Variants in PRTG observed in about 807,000 individuals in gnomAD.
The protein encoded by PRTG is protogenin.
In PRTG, 67 loss-of-function variants were observed where a neutral mutation model predicts 122.5. The ratio of observed to expected loss-of-function variants is 0.55; its 90% CI spans 0.45 to 0.67. The LOEUF is 0.67. PRTG is among the 30% of genes least tolerant of loss of function. PRTG has a pLI of 0.00. For missense variants in PRTG, 1,435 were observed against 1,415.4 expected, an observed-to-expected ratio of 1.01 and a Z score of -0.22; for synonymous variants, 554 against 501.1, an observed-to-expected ratio of 1.11 and a Z score of -1.41.
chr15:55,639,350 T>C (rs2059276553), intron 13 of PRTG, among the ~76,000 whole-genome samples: 1 of 152,208 alleles, frequency 6.6e-6, no homozygotes, highest in African/African-American at 2.4e-5. Flanking sequence ...CCTTTCTTTC[T>C]TTAAACATGC....
chr15:55,627,042 A>C lies in PRTG; in HGVS notation c.2893T>G (p.Cys965Gly), dbSNP rs752927785. Reference protein sequence around the residue: ...VGIALTCILICVLILIYRSKA... With the variant: ...VGIALTCILIGVLILIYRSKA... ...CTTCGGTATATCAAGATGAGAACAC[A>C]GATGAGGATGCAGGTCAAGGCTATG... The change falls in exon 17 of 20, where the codon TGT (cysteine) becomes GGT (glycine). Residue 965 changes from cysteine (C) to glycine (G), a missense_variant. Physicochemically the swap from Cys to Gly is radical, Grantham distance 159. Transcript: ENST00000389286. The C allele has an allele frequency of 9.9e-6, 16 of 1,611,818 alleles. No homozygotes were observed. In the African/African-American group the frequency reaches 1.5e-4, roughly 15 times the overall value.
chr15:55,661,673 G>A (rs912755986), intron 11 of PRTG, among the ~76,000 whole-genome samples: 1 of 152,106 alleles, frequency 6.6e-6, no homozygotes, highest in African/African-American at 2.4e-5. Flanking sequence ...TTCTCCACAT[G>A]AACTGCTTTC....
intron 2 of PRTG, chr15:55,738,085 T>TATATATATATATATAC (rs1472728998): frequency 7.0e-6 from 1 of 142,750 alleles, no homozygotes; most frequent in Non-Finnish European, 1.5e-5. Context: ...TATATATATA[T>TATATATATATATATAC]ATATATATTT....
rs377073175 is a variant in PRTG at position 55,639,878 on chromosome 15, T to C, written c.2138-50A>G. The stretch of plus-strand genomic sequence containing the variant: ...TACGATACGACATAACATTTTAACA[T>C]AGAAAGTGGTAAAATGGTAAAATAA... On this transcript the variant is annotated intron_variant, in intron 12 of 19. Coordinates refer to ENST00000389286, the MANE Select transcript of PRTG (RefSeq NM_173814.6). 23 of 1,591,318 alleles carry C rather than the reference T, an allele frequency of 1.4e-5. No individual in the cohort carries two copies. The African/African-American group carries it at 1.9e-4, about 13-fold the overall frequency.
chr15:55,679,646 T>C (rs2059526003), intron 6 of PRTG: 1 of 507,838 alleles, frequency 2.0e-6, no homozygotes, highest in Non-Finnish European at 3.5e-6. Context: ...GATTTCCCTA[T>C]TCAGAGCATC....
At chr15:55,701,190 T>C (rs1331162557) in intron 2 of PRTG, among the ~76,000 whole-genome samples, 2 of 152,170 alleles carry the variant, frequency 1.3e-5, no homozygotes, top group Non-Finnish European at 2.9e-5. Context: ...ACTGGTACTA[T>C]CACTTTGGAA....
rs2059134940 is a variant in PRTG, at chr15:55,614,766, T to G, written c.*5246A>C. The G allele has an allele frequency of 6.6e-6, 1 of 152,166 alleles. No individual in the cohort carries two copies. Among genetic ancestry groups the G allele is most frequent in the African/African-American group, 2.4e-5 (1 of 41,458 alleles). The allele number at this position is 152,166 out of a possible 1,614,324, so 9.4% of individuals were successfully genotyped here. Reference sequence around the variant, plus strand: ...AGGCTACAAGTCAAAGTTTTCATGCTTTTAATCTTTAAAGATCCCCAAGGG... The same window carrying G: ...AGGCTACAAGTCAAAGTTTTCATGCGTTTAATCTTTAAAGATCCCCAAGGG... On this transcript the variant is annotated 3_prime_UTR_variant, in exon 20 of 20. Coordinates refer to ENST00000389286, the MANE Select transcript of PRTG (RefSeq NM_173814.6).
In PRTG at chr15:55,613,003, T is replaced by G. The variant is rs927593153; in HGVS notation, c.*7009A>C. On this transcript the variant is annotated 3_prime_UTR_variant, in exon 20 of 20. Transcript: ENST00000389286. ...GTCTGTAAAATCTTTCACAGCCTCA[T>G]ACAAATGAGTTTCAGATTATGATTA... 1 of 152,020 alleles carries G rather than the reference T, an allele frequency of 6.6e-6. No individual in the cohort carries two copies. The highest frequency in any genetic ancestry group is 1.5e-5 in the Non-Finnish European group (1 of 67,930). 9.4% of individuals were successfully genotyped at this position (152,020 alleles called of 1,614,324 possible). A position where few individuals can be genotyped will look rare whatever the true frequency, so the allele number is the denominator to read the frequency against.
intron 15 of PRTG, among the ~76,000 whole-genome samples, chr15:55,633,710 T>A (rs1292980405): frequency 6.6e-6 from 1 of 152,252 alleles, no homozygotes; most frequent in African/African-American, 2.4e-5. Context: ...TATTCCTTGC[T>A]TTTTGTTTAA....
At chr15:55,638,195 A>C (rs2059268450) in intron 14 of PRTG, among the ~76,000 whole-genome samples, 1 of 152,214 alleles carries the variant, frequency 6.6e-6, no homozygotes, top group Non-Finnish European at 1.5e-5. Context: ...TACAGAAATA[A>C]CTTCATTATA....
chr15:55,673,517 A>T lies in PRTG; in HGVS notation c.1706T>A (p.Leu569His). ...STENSIQVLE[L>H]PGTTHEYLLE... ...AAGGTACTCATGCGTGGTCCCCGGG[A>T]GCTCCAGAACTTGGATTGAATTCTC... The change falls in exon 10 of 20, where the codon CTC (leucine) becomes CAC (histidine). Residue 569 changes from leucine to histidine, a missense_variant. By Grantham distance (99) the Leu-to-His change is moderately conservative. Coordinates refer to ENST00000389286, the MANE Select transcript of PRTG (RefSeq NM_173814.6). 6.2e-7 allele frequency: 1 copy of T among 1,614,118 alleles called. No individual in the cohort carries two copies.
chr15:55,682,412 C>T lies in PRTG; in HGVS notation c.628G>A (p.Val210Ile), dbSNP rs2059544228. 6.2e-7 allele frequency: 1 copy of T among 1,606,686 alleles called. No individual in the cohort carries two copies. Among genetic ancestry groups the T allele is most frequent in the Non-Finnish European group, 8.5e-7 (1 of 1,175,658 alleles). ...SGNYRCIAAT[V>I]AHRRKSMEAS... is the part of the protein sequence containing the mutation. ...TCCATACTTTTACGTCGGTGGGCTA[C>T]AGTGGCAGCAATACAACGATAATTT... The change falls in exon 4 of 20, where the codon GTA becomes ATA. Residue 210 changes from valine (V) to isoleucine (I), a missense_variant. Transcript: ENST00000389286.
intron 2 of PRTG, among the ~76,000 whole-genome samples, chr15:55,735,560 T>C (rs1321015072): frequency 2.0e-5 from 3 of 151,828 alleles, no homozygotes; most frequent in Admixed American, 6.6e-5. Flanking sequence ...ATCCTTTCTT[T>C]AGAATAATCA....
chr15:55,672,876 T>A (rs939812943), intron 10 of PRTG, among the ~76,000 whole-genome samples: 3 of 152,278 alleles, frequency 2.0e-5, no homozygotes, highest in African/African-American at 7.2e-5. Flanking sequence ...GACATTTAAT[T>A]TTTTTTCAAA....
At chr15:55,676,004 T>C (rs1432362856) in intron 8 of PRTG, among the ~76,000 whole-genome samples, 1 of 152,114 alleles carries the variant, frequency 6.6e-6, no homozygotes, top group Non-Finnish European at 1.5e-5. Context: ...CAACAGAATA[T>C]TGTAATTCAT....
At chr15:55,703,336 T>C (rs1259242957) in intron 2 of PRTG, among the ~76,000 whole-genome samples, 1 of 152,198 alleles carries the variant, frequency 6.6e-6, no homozygotes, top group Non-Finnish European at 1.5e-5. Context: ...TCTAATGTCC[T>C]CATCTGCGGC....
At chr15:55,643,996 C>T (rs920148245) in intron 11 of PRTG, among the ~76,000 whole-genome samples, 4 of 151,952 alleles carry the variant, frequency 2.6e-5, no homozygotes, top group Non-Finnish European at 2.9e-5. Flanking sequence ...CCCCAAGTAG[C>T]TGGGACTGCA....
chr15:55,633,951 T>G lies in PRTG; in HGVS notation c.2623+3219A>C, dbSNP rs976315617. ...TTATACAGATGTAAAAATCTGTAAC[T>G]GTAATCCCTTTCACTACTGAGCCAT... On this transcript the variant is annotated intron_variant, in intron 15 of 19. Transcript: ENST00000389286. Among the ~76,000 whole-genome samples, 21 of 152,310 alleles carry G rather than the reference T, an allele frequency of 1.4e-4. No homozygotes were observed. In the South Asian group the frequency reaches 4.4e-3, roughly 32 times the overall value.
intron 15 of PRTG, among the ~76,000 whole-genome samples, chr15:55,633,470 T>C (rs1420963488): frequency 1.3e-5 from 2 of 152,190 alleles, no homozygotes; most frequent in Non-Finnish European, 2.9e-5. Context: ...CCACAAGTAT[T>C]ATATGCTCAC....
Sources: allele counts gnomAD v4.1 joint callset (sites outside exome capture counted in the v4.1 genomes callset), GRCh38; gene constraint gnomAD v4.1.1; transcripts MANE v1.5; gene names NCBI Gene and HGNC (gene_info 2026-07-23, HGNC 2026-07-21).